Variants in SASH3 observed in about 807,000 individuals in gnomAD.
The protein encoded by SASH3 is SAM and SH3 domain-containing protein 3.
SASH3 carries 7 observed loss-of-function variants against 26.1 expected under a neutral mutation model. That is an observed-to-expected ratio of 0.27 (90% CI 0.15 to 0.50). SASH3 has a LOEUF of 0.50. Among genes scored for constraint, SASH3 ranks in the 20% least tolerant of loss-of-function variants. The pLI, the probability that SASH3 is intolerant of heterozygous loss-of-function variation, is 0.98. For missense variants in SASH3, 231 were observed against 318.3 expected (o/e 0.73, Z 2.09); for synonymous variants, 138 against 136.8 (o/e 1.01, Z -0.06).
chrX:129,782,632 C>T (rs1927038711), intron 1 of SASH3, among the ~76,000 whole-genome samples: 1 of 112,268 alleles, frequency 8.9e-6, no homozygotes, highest in Non-Finnish European at 1.9e-5. Context: ...ATCTTGACCC[C>T]TTCTCTCTCC....
In SASH3 at chrX:129,790,933, C is replaced by A. The variant is rs1485741201; in HGVS notation, c.301-7C>A. 3 of 1,209,728 alleles carry A rather than the reference C, an allele frequency of 2.5e-6. No homozygotes were observed. Among genetic ancestry groups the A allele is most frequent in the Admixed American group, 4.4e-5 (2 of 45,734 alleles). ...TCCTTAAAGCTTCCCGCCTACCCTC[C>A]CTGCAGGCAGACACTCTGGAGGAGG... On this transcript the variant is annotated splice_region_variant and splice_polypyrimidine_tract_variant and intron_variant, in intron 3 of 7. Transcript: ENST00000356892.
At chrX:129,785,881 G>A (rs1266153890) in intron 1 of SASH3, among the ~76,000 whole-genome samples, 3 of 112,622 alleles carry the variant, frequency 2.7e-5, no homozygotes, top group African/African-American at 9.7e-5. Flanking sequence ...CCCTCTCTCC[G>A]TTCCCTCTTT....
At chrX:129,783,546 C>T (rs1230872003) in intron 1 of SASH3, among the ~76,000 whole-genome samples, 5 of 112,256 alleles carry the variant, frequency 4.5e-5, no homozygotes, top group South Asian at 7.3e-4. Context: ...AGACCAGCTG[C>T]GCCACCCTGC....
At chrX:129,789,109 A>AAAAAG (rs1927166583) in intron 3 of SASH3, among the ~76,000 whole-genome samples, 3 of 39,453 alleles carry the variant, frequency 7.6e-5, no homozygotes, top group Non-Finnish European at 1.2e-4. Flanking sequence ...CTCAAAAAAA[A>AAAAAG]AAAGAAAGAA....
intron 1 of SASH3, among the ~76,000 whole-genome samples, chrX:129,786,629 G>A (rs1019239268): frequency 2.4e-4 from 27 of 111,478 alleles, no homozygotes; most frequent in African/African-American, 7.8e-4. Context: ...TTCTTGTGTC[G>A]AGGGCCTGTC....
At chrX:129,781,053 C>T (rs1209580225) in intron 1 of SASH3, among the ~76,000 whole-genome samples, 1 of 112,066 alleles carries the variant, frequency 8.9e-6, no homozygotes, top group Non-Finnish European at 1.9e-5. Flanking sequence ...TTCTTTAATT[C>T]AATTGAAGGA....
chrX:129,785,520 T>C (rs1233098411), intron 1 of SASH3, among the ~76,000 whole-genome samples: 1 of 112,049 alleles, frequency 8.9e-6, no homozygotes, highest in Non-Finnish European at 1.9e-5. Flanking sequence ...CACTTTGGAC[T>C]AAAACTGAGA....
rs200789186 is a variant in SASH3, at chrX:129,792,744, G to A, written c.709G>A (p.Val237Met). ...TGTGGATGTGCTGCCCGAGGAGGCCGTGGGGCATGCCCGCCCCAGCCGCCG... is the reference window on the plus strand; with the variant it reads ...TGTGGATGTGCTGCCCGAGGAGGCCATGGGGCATGCCCGCCCCAGCCGCCG... The part of the protein sequence containing the change: ...IYVDVLPEEA[V>M]GHARPSRRQS... The change falls in exon 6 of 8, where the codon GTG becomes ATG. Residue 237 changes from valine (V) to methionine (M), a missense_variant. Transcript: ENST00000356892. The A allele has an allele frequency of 4.1e-5, 50 of 1,208,204 alleles. No individual in the cohort carries two copies. In the East Asian group the frequency reaches 7.1e-4, roughly 17 times the overall value.
chrX:129,788,322 A>C (rs1228007352), intron 2 of SASH3, 109 bp from the exon 3 acceptor site: 1 of 824,883 alleles, frequency 1.2e-6, no homozygotes, highest in African/African-American at 2.0e-5. Flanking sequence ...GGGGCCTCTC[A>C]GTTCCACCCC....
chrX:129,784,021 A>AT (rs1927062899), intron 1 of SASH3, among the ~76,000 whole-genome samples: 1 of 111,389 alleles, frequency 9.0e-6, no homozygotes, highest in Non-Finnish European at 1.9e-5. Flanking sequence ...CCCCATGTAG[A>AT]CAGCACTTAG....
chrX:129,783,912 G>C (rs1927061065), intron 1 of SASH3, among the ~76,000 whole-genome samples: 1 of 111,783 alleles, frequency 8.9e-6, no homozygotes. Flanking sequence ...TGCCTTTTAA[G>C]CTGGAATTGA....
intron 1 of SASH3, among the ~76,000 whole-genome samples, chrX:129,787,315 G>T (rs1471823743): frequency 8.9e-6 from 1 of 111,974 alleles, no homozygotes; most frequent in Non-Finnish European, 1.9e-5. Flanking sequence ...AAAAGAAAAT[G>T]GTGTCTTTCT....
chrX:129,790,201 C>T lies in SASH3; in HGVS notation c.301-739C>T, dbSNP rs150892870. On this transcript the variant is annotated intron_variant, in intron 3 of 7. Coordinates refer to ENST00000356892, the MANE Select transcript of SASH3 (RefSeq NM_018990.4). Reference sequence around the variant, plus strand: ...CAATGCTGCTGAGGTTACGTGCATCCATAGCATCTTCATGGTGGCAATAGC... The same window carrying T: ...CAATGCTGCTGAGGTTACGTGCATCTATAGCATCTTCATGGTGGCAATAGC... Among the ~76,000 whole-genome samples the T allele has an allele frequency of 5.4e-5, 6 of 112,015 alleles. No homozygotes were observed. In the Admixed American group the frequency reaches 5.6e-4, roughly 10 times the overall value.
chrX:129,784,116 C>T (rs1406041818), intron 1 of SASH3, among the ~76,000 whole-genome samples: 9 of 110,605 alleles, frequency 8.1e-5, no homozygotes, highest in Non-Finnish European at 1.1e-4. Flanking sequence ...CCAGGGCAAC[C>T]GCTATCCTGA....
intron 1 of SASH3, among the ~76,000 whole-genome samples, chrX:129,787,770 C>T (rs1307981394): frequency 9.0e-6 from 1 of 111,714 alleles, no homozygotes; most frequent in Non-Finnish European, 1.9e-5. Flanking sequence ...GGAACTTGGT[C>T]TGTGGCCAGG....
Position 129,793,946 on chromosome X carries a change from TC to T in SASH3, c.*118del. The T allele has an allele frequency of 1.4e-6, 1 of 737,906 alleles. No homozygotes were observed. The highest frequency in any genetic ancestry group is 2.0e-6 in the Non-Finnish European group (1 of 510,846). The allele number at this position is 737,906 out of a possible 1,213,427, so 60.8% of individuals were successfully genotyped here. On this transcript the variant is annotated 3_prime_UTR_variant, in exon 8 of 8. Coordinates refer to ENST00000356892, the MANE Select transcript of SASH3 (RefSeq NM_018990.4). Reference sequence around the variant, plus strand: ...GACTGGCACTGAGCCTGGCCCTGCTTCCCCAGGGACACTTAGGGCCACAGAG... The same window carrying T: ...GACTGGCACTGAGCCTGGCCCTGCTTCCCAGGGACACTTAGGGCCACAGAG...
Position 129,779,974 on chromosome X carries a change from C to G in SASH3, c.-124C>G. On this transcript the variant is annotated 5_prime_UTR_variant, in exon 1 of 8. Coordinates refer to ENST00000356892, the MANE Select transcript of SASH3 (RefSeq NM_018990.4). The stretch of plus-strand genomic sequence containing the variant: ...ACCCCCAAGCTGCCACTGCAGCAGT[C>G]AGAGTGGCAGCTGAAGGCTCGGTTC... 1.6e-6 allele frequency: 1 copy of G among 621,749 alleles called. No individual in the cohort carries two copies. 51.2% of individuals were successfully genotyped at this position (621,749 alleles called of 1,213,427 possible).
intron 4 of SASH3, among the ~76,000 whole-genome samples, chrX:129,791,509 G>A (rs867886540): frequency 1.8e-5 from 2 of 112,117 alleles, no homozygotes; most frequent in South Asian, 3.7e-4. Flanking sequence ...GGGGGTGGGC[G>A]TATGAGGTCT....
Position 129,789,166 on chromosome X carries a change from AG to A in SASH3, c.300+590del, listed in dbSNP as rs1163537142. On this transcript the variant is annotated intron_variant, in intron 3 of 7. Transcript: ENST00000356892. Reference sequence around the variant, plus strand: ...GAAAGAAAGAAAGAAAGAAAGAAAGAGAAAAAAAAAAAAAAGAAAAGTCTGG... The same window carrying A: ...GAAAGAAAGAAAGAAAGAAAGAAAGAAAAAAAAAAAAAAAGAAAAGTCTGG... 6.6e-3 allele frequency among the ~76,000 whole-genome samples: 357 copies of A among 54,304 alleles called. 7 individuals carry two copies. The highest frequency in any genetic ancestry group is 0.03 in the African/African-American group (289 of 9,719). 47.2% of individuals were successfully genotyped at this position (54,304 alleles called of 115,157 possible).
Sources: gnomAD v4.1 joint callset for allele counts (sites outside exome capture counted in the v4.1 genomes callset) on GRCh38, gnomAD v4.1.1 for gene constraint, MANE v1.5 for transcripts, NCBI Gene and HGNC (gene_info 2026-07-23, HGNC 2026-07-21) for gene names.